The following CFAP299 variants were observed in gnomAD, a reference collection of about 807,000 sequenced individuals.
CFAP299 encodes the protein cilia and flagella associated protein 299.
A neutral mutation model predicts 27.0 loss-of-function variants in CFAP299; 21 were observed. That is an observed-to-expected ratio of 0.78 (90% CI 0.55 to 1.12). The LOEUF (loss-of-function observed/expected upper bound fraction) is 1.12, where lower values mean the gene tolerates loss of function less well. CFAP299 is among the 50% of genes most tolerant of loss of function. The probability of loss-of-function intolerance (pLI) is 0.00; values close to 1 mark genes in which losing one functional copy is unlikely to be tolerated. For synonymous variants in CFAP299, 104 were observed against 98.1 expected (o/e 1.06, Z -0.36); for missense variants, 310 against 276.6 (o/e 1.12, Z -0.86).
At chr4:80,640,342 C>A (rs1739664809) in intron 3 of CFAP299, among the ~76,000 whole-genome samples, 1 of 152,162 alleles carries the variant, frequency 6.6e-6, no homozygotes, top group Admixed American at 6.5e-5. Context: ...AGACTGAGAC[C>A]AGGTTGTTTT....
intron 2 of CFAP299, among the ~76,000 whole-genome samples, chr4:80,560,465 A>G (rs558659061): frequency 1.3e-5 from 2 of 152,050 alleles, no homozygotes; most frequent in Non-Finnish European, 2.9e-5. Flanking sequence ...CTTGCACTTT[A>G]GGTACCAGCA....
intron 3 of CFAP299, among the ~76,000 whole-genome samples, chr4:80,741,395 C>T (rs543492984): frequency 6.8e-4 from 104 of 152,136 alleles, no homozygotes; most frequent in South Asian, 2.1e-3. Context: ...CTTTAGTCAG[C>T]GGGTGATGAA....
chr4:80,800,352 A>G (rs1340356899), intron 3 of CFAP299, among the ~76,000 whole-genome samples: 178 of 71,764 alleles, frequency 2.5e-3, no homozygotes, highest in South Asian at 4.4e-3. Context: ...TATATAATAT[A>G]TATGATATAT....
chr4:80,848,429 G>A (rs184405465), intron 3 of CFAP299, among the ~76,000 whole-genome samples: 1 of 152,238 alleles, frequency 6.6e-6, no homozygotes, highest in East Asian at 1.9e-4. Context: ...ACCAACCTGT[G>A]CAATGTTACT....
rs114646126 is a variant in CFAP299, at chr4:80,918,554, A to G, written c.477-26256A>G. Reference sequence around the variant, plus strand: ...AGAGAGAGAGAAAGAGAAAGGAGAGAGGAGAGAACATACACGTATTTGTGT... The same window carrying G: ...AGAGAGAGAGAAAGAGAAAGGAGAGGGGAGAGAACATACACGTATTTGTGT... On this transcript the variant is annotated intron_variant, in intron 4 of 5. Transcript: ENST00000358105. Among the ~76,000 whole-genome samples, 893 of 152,200 alleles carry G rather than the reference A, an allele frequency of 5.9e-3. 7 individuals are homozygous for G. The highest frequency in any genetic ancestry group is 0.02 in the African/African-American group (833 of 41,542).
chr4:80,863,306 C>A (rs536266751), intron 3 of CFAP299, among the ~76,000 whole-genome samples: 33 of 151,686 alleles, frequency 2.2e-4, no homozygotes, highest in Non-Finnish European at 3.5e-4. Context: ...AAAAATCAGG[C>A]AACACATGTA....
At chr4:80,623,534 A>G (rs1383739496) in intron 3 of CFAP299, among the ~76,000 whole-genome samples, 2 of 152,170 alleles carry the variant, frequency 1.3e-5, no homozygotes, top group Non-Finnish European at 2.9e-5. Flanking sequence ...TGCAAGAGCT[A>G]AGGAAACAAG....
chr4:80,609,620 A>G (rs1398148686), intron 3 of CFAP299, among the ~76,000 whole-genome samples: 3 of 152,008 alleles, frequency 2.0e-5, no homozygotes, highest in African/African-American at 7.2e-5. Flanking sequence ...AAAAGGCCAA[A>G]GTAATAATGG....
At chr4:80,568,227 A>G (rs1037332094) in intron 2 of CFAP299, among the ~76,000 whole-genome samples, 3 of 150,798 alleles carry the variant, frequency 2.0e-5, no homozygotes, top group Non-Finnish European at 3.0e-5. Flanking sequence ...TAATTGGTCT[A>G]CATTTTTTAT....
rs556008609 is a variant in CFAP299 at position 80,383,400 on chromosome 4, A to G, written c.242+20516A>G. On this transcript the variant is annotated intron_variant, in intron 2 of 5. Coordinates refer to ENST00000358105, the MANE Select transcript of CFAP299 (RefSeq NM_152770.3). ...ACGTCACATAATTCAGTGTCCACCC[A>G]GAACAACAAAACCATTGAGCAGGTG... Among the ~76,000 whole-genome samples the G allele has an allele frequency of 5.2e-4, 79 of 152,324 alleles. 3 individuals are homozygous for G. In the South Asian group the frequency reaches 0.014, roughly 27 times the overall value.
Position 80,697,561 on chromosome 4 carries a change from T to G in CFAP299, c.333+114378T>G, listed in dbSNP as rs72661719. Reference sequence around the variant, plus strand: ...ATCAATTGTTCTTAATCTTTTGGACTTGGTGTTCTGGACCTATAAGCTTTA... The same window carrying G: ...ATCAATTGTTCTTAATCTTTTGGACGTGGTGTTCTGGACCTATAAGCTTTA... On this transcript the variant is annotated intron_variant, in intron 3 of 5. Coordinates refer to ENST00000358105, the MANE Select transcript of CFAP299 (RefSeq NM_152770.3). 2.8e-3 allele frequency among the ~76,000 whole-genome samples: 426 copies of G among 152,344 alleles called. 4 individuals carry two copies. The highest frequency in any genetic ancestry group is 4.8e-3 in the Admixed American group (73 of 15,306).
At chr4:80,593,243 A>G (rs945572619) in intron 3 of CFAP299, among the ~76,000 whole-genome samples, 1 of 152,186 alleles carries the variant, frequency 6.6e-6, no homozygotes, top group Non-Finnish European at 1.5e-5. Context: ...TCTTCATTGC[A>G]GTTAAGATAG....
At chr4:80,787,995 A>G (rs994537947) in intron 3 of CFAP299, among the ~76,000 whole-genome samples, 4 of 151,958 alleles carry the variant, frequency 2.6e-5, no homozygotes, top group African/African-American at 9.7e-5. Context: ...GTGTGCACCA[A>G]AATTACTAAA....
intron 5 of CFAP299, among the ~76,000 whole-genome samples, chr4:80,957,261 G>T (rs1372620812): frequency 1.3e-5 from 2 of 152,154 alleles, no homozygotes; most frequent in African/African-American, 4.8e-5. Context: ...GTTTCAGGCA[G>T]TAATCTTTTC....
At chr4:80,478,720 TG>T (rs1401851476) in intron 2 of CFAP299, among the ~76,000 whole-genome samples, 1 of 152,030 alleles carries the variant, frequency 6.6e-6, no homozygotes, top group African/African-American at 2.4e-5. Context: ...TTTGACTCTT[TG>T]TCTTAATAAA....
At chr4:80,891,824 T>A (rs1401264385) in intron 4 of CFAP299, among the ~76,000 whole-genome samples, 3 of 45,022 alleles carry the variant, frequency 6.7e-5, no homozygotes, top group Admixed American at 2.7e-4. Flanking sequence ...AAGCCCTAGA[T>A]TAAAGGAAAA....
intron 3 of CFAP299, among the ~76,000 whole-genome samples, chr4:80,731,860 A>G (rs1167488843): frequency 6.6e-6 from 1 of 152,096 alleles, no homozygotes; most frequent in Non-Finnish European, 1.5e-5. Flanking sequence ...AAAAAATCTC[A>G]CCAACCCTCA....
intron 3 of CFAP299, among the ~76,000 whole-genome samples, chr4:80,658,537 T>C (rs1740678092): frequency 1.3e-5 from 2 of 152,200 alleles, no homozygotes; most frequent in African/African-American, 4.8e-5. Flanking sequence ...ATTACATTTA[T>C]TGATTTGTGT....
chr4:80,689,498 A>AT (rs1425341607), intron 3 of CFAP299, among the ~76,000 whole-genome samples: 1 of 152,224 alleles, frequency 6.6e-6, no homozygotes. Context: ...ATGCTGAGAG[A>AT]TTTTGTCACC....
Sources: allele counts gnomAD v4.1 joint callset (sites outside exome capture counted in the v4.1 genomes callset), GRCh38; gene constraint gnomAD v4.1.1; transcripts MANE v1.5; gene names NCBI Gene and HGNC (gene_info 2026-07-23, HGNC 2026-07-21).